CMTM4: variants seen among roughly 807,000 people sequenced by gnomAD.
The protein encoded by CMTM4 is CKLF like MARVEL transmembrane domain containing 4.
Under a neutral mutation model 19.0 loss-of-function variants are expected in CMTM4, and 8 were observed. The observed-to-expected ratio is 0.42, with a 90% CI of 0.25 to 0.76. The LOEUF (loss-of-function observed/expected upper bound fraction) is 0.76. CMTM4 is among the 30% of genes least tolerant of loss of function. The probability of loss-of-function intolerance (pLI) is 0.27; values close to 1 mark genes in which losing one functional copy is unlikely to be tolerated. For missense variants in CMTM4, 228 were observed against 290.2 expected (o/e 0.79, Z 1.56); for synonymous variants, 106 against 121.1 (o/e 0.88, Z 0.82).
Position 66,620,992 on chromosome 16 carries a change from C to G in CMTM4, c.*1066G>C, listed in dbSNP as rs2015622238. 1 of 985,856 alleles carries G rather than the reference C, an allele frequency of 1.0e-6. No homozygotes were observed. Among genetic ancestry groups the G allele is most frequent in the Non-Finnish European group, 1.2e-6 (1 of 829,934 alleles). The allele number at this position is 985,856 out of a possible 1,614,324, so 61.1% of individuals were successfully genotyped here. A position where few individuals can be genotyped will look rare whatever the true frequency, so the allele number is the denominator to read the frequency against. ...TCTACAGTTATGACACTGAGGCGCC[C>G]AAAGCGACAATTAGTGCCTTCTGAA... On this transcript the variant is annotated 3_prime_UTR_variant, in exon 4 of 4. Transcript: ENST00000394106.
At chr16:66,608,459 A>G in the CMTM4 span, 6 of 1,613,888 alleles carry the variant, frequency 3.7e-6, no homozygotes, top group Non-Finnish European at 5.1e-6. The surrounding 1 kb of genome is among the most constrained non-coding windows in gnomAD (Gnocchi z 5.1). Flanking sequence ...GTGCTGGCCC[A>G]TGATGGTGAG....
At chr16:66,630,910 G>A (rs1362786615) in intron 2 of CMTM4, among the ~76,000 whole-genome samples, 12 of 149,900 alleles carry the variant, frequency 8.0e-5, no homozygotes, top group South Asian at 2.1e-4. Context: ...CTGCCCCGCC[G>A]CCCCGTCTGG....
intron 1 of CMTM4, among the ~76,000 whole-genome samples, chr16:66,692,256 A>AT (rs1276554885): frequency 6.6e-6 from 1 of 152,032 alleles, no homozygotes; most frequent in African/African-American, 2.4e-5. Context: ...TGCCTGGCTA[A>AT]TTTTTTGTAT....
the CMTM4 span, among the ~76,000 whole-genome samples, chr16:66,600,136 G>GTGTGTGTGGTTT: frequency 1.5e-5 from 2 of 135,154 alleles, no homozygotes; most frequent in African/African-American, 5.8e-5. Flanking sequence ...GTGTGTGTGT[G>GTGTGTGTGGTTT]TTTTTTTTTG....
rs199881405 is a variant in CMTM4, at chr16:66,617,260, C to T, written c.*4798G>A. The T allele has an allele frequency of 2.7e-5, 43 of 1,612,044 alleles. No individual in the cohort carries two copies. The Admixed American group carries it at 6.7e-4, about 25-fold the overall frequency. On this transcript the variant is annotated 3_prime_UTR_variant, in exon 4 of 4. Transcript: ENST00000394106. ...TGAAATAGATACACAGTTCAAGGAC[C>T]CATCATCTGAACTTTTCTAGGCAAG...
downstream of CMTM4, chr16:66,609,965 G>A: frequency 6.2e-7 from 1 of 1,614,150 alleles, no homozygotes; most frequent in South Asian, 1.1e-5. This position sits in a 1 kb window ranked among gnomAD's most constrained non-coding sequence, Gnocchi z 4.4. Flanking sequence ...CTCAAACAAG[G>A]GGACTCTGCA....
chr16:66,609,598 T>C, the CMTM4 span: 3 of 1,525,348 alleles, frequency 2.0e-6, no homozygotes, highest in African/African-American at 4.1e-5. This position sits in a 1 kb window ranked among gnomAD's most constrained non-coding sequence, Gnocchi z 4.4. Context: ...GGGTGGGACC[T>C]GGGGCAGAGC....
chr16:66,616,192 T>C lies in CMTM4; in HGVS notation c.*5866A>G, dbSNP rs2144768886. 1 of 152,280 alleles carries C rather than the reference T, an allele frequency of 6.6e-6. No homozygotes were observed. The highest frequency in any genetic ancestry group is 1.9e-4 in the East Asian group (1 of 5,184). The allele number at this position is 152,280 out of a possible 1,614,324, so 9.4% of individuals were successfully genotyped here. ...ACTAAATGTACATCTTTTTTTCCAA[T>C]TCCATGATTGACAAGAGTGCTTATG... On this transcript the variant is annotated 3_prime_UTR_variant, in exon 4 of 4. Transcript: ENST00000394106.
chr16:66,638,471 C>T (rs1356104010), intron 1 of CMTM4, among the ~76,000 whole-genome samples: 1 of 152,190 alleles, frequency 6.6e-6, no homozygotes, highest in African/African-American at 2.4e-5. Context: ...TCAAAGGATA[C>T]AAAATTTCAG....
rs1191071180 is a variant in CMTM4 at position 66,617,302 on chromosome 16, C to T, written c.*4756G>A. 2 of 1,613,984 alleles carry T rather than the reference C, an allele frequency of 1.2e-6. No individual in the cohort carries two copies. The highest frequency in any genetic ancestry group is 1.7e-6 in the Non-Finnish European group (2 of 1,180,020). On this transcript the variant is annotated 3_prime_UTR_variant, in exon 4 of 4. Coordinates refer to ENST00000394106, the MANE Select transcript of CMTM4 (RefSeq NM_181521.3). ...CTAGGCAAGTTGCCAGTGATTCAAA[C>T]TCAGCAGGTTTGTGGGTGATTTTTT... is the stretch of plus-strand genomic sequence containing the variant.
In CMTM4 at chr16:66,695,698, T is replaced by C. The variant is rs1351765261; in HGVS notation, c.186+642A>G. ...TCCCAGATTTAACTCTGGGTACCAATTGGGCAGTGCCAGCCACCGTGCTGG... is the reference window on the plus strand; with the variant it reads ...TCCCAGATTTAACTCTGGGTACCAACTGGGCAGTGCCAGCCACCGTGCTGG... On this transcript the variant is annotated intron_variant, in intron 1 of 3. Transcript: ENST00000394106. Among the ~76,000 whole-genome samples the C allele has an allele frequency of 2.6e-5, 4 of 152,168 alleles. No individual in the cohort carries two copies. In the South Asian group the frequency reaches 6.2e-4, roughly 24 times the overall value.
At chr16:66,628,750 A>G (rs1596908371) in intron 2 of CMTM4, among the ~76,000 whole-genome samples, 1 of 152,308 alleles carries the variant, frequency 6.6e-6, no homozygotes, top group South Asian at 2.1e-4. Context: ...TCCACTTAGT[A>G]TAATGGTTCT....
At chr16:66,650,644 T>C (rs2016292885) in intron 1 of CMTM4, among the ~76,000 whole-genome samples, 1 of 152,192 alleles carries the variant, frequency 6.6e-6, no homozygotes, top group Non-Finnish European at 1.5e-5. Flanking sequence ...AGCCTCACAG[T>C]AAAACCTGTT....
intron 1 of CMTM4, among the ~76,000 whole-genome samples, chr16:66,685,974 G>A (rs1228052491): frequency 6.6e-6 from 1 of 152,156 alleles, no homozygotes; most frequent in Admixed American, 6.5e-5. Context: ...AAGTTCTGGA[G>A]CCGGGCATGG....
chr16:66,613,067 G>A (rs552097729), downstream of CMTM4: 127 of 702,986 alleles, frequency 1.8e-4, 2 homozygotes, highest in South Asian at 1.1e-3. Flanking sequence ...GCCAGGCCCC[G>A]GTGGGTTTGT....
intron 1 of CMTM4, among the ~76,000 whole-genome samples, chr16:66,688,482 G>C (rs758140375): frequency 5.0e-4 from 76 of 151,718 alleles, no homozygotes; most frequent in Non-Finnish European, 9.1e-4. Context: ...TCTCATGGCC[G>C]ATAAGAGATA....
chr16:66,648,962 ACT>A (rs564325262), intron 1 of CMTM4, among the ~76,000 whole-genome samples: 108 of 152,220 alleles, frequency 7.1e-4, no homozygotes, highest in Non-Finnish European at 1.2e-3. Context: ...ACAGAGCGAG[ACT>A]CTGTCAAAAA....
In CMTM4 at chr16:66,619,372, C is replaced by A. The variant is rs552646853; in HGVS notation, c.*2686G>T. On this transcript the variant is annotated 3_prime_UTR_variant, in exon 4 of 4. Coordinates refer to ENST00000394106, the MANE Select transcript of CMTM4 (RefSeq NM_181521.3). ...GTGTCCAGGAAAAAACCCAAATGCA[C>A]ACAGCAACTGCAGTTTCTTCAAGTT... 10 of 985,294 alleles carry A rather than the reference C, an allele frequency of 1.0e-5. No individual in the cohort carries two copies. In the South Asian group the frequency reaches 3.3e-4, roughly 32 times the overall value. The allele number at this position is 985,294 out of a possible 1,614,324, so 61.0% of individuals were successfully genotyped here. A position where few individuals can be genotyped will look rare whatever the true frequency, so the allele number is the denominator to read the frequency against.
intron 1 of CMTM4, among the ~76,000 whole-genome samples, chr16:66,683,133 A>G (rs529774539): frequency 0.018 from 2,347 of 129,390 alleles, 90 homozygotes; most frequent in African/African-American, 0.063. Flanking sequence ...GTGTGTGTAT[A>G]TATATATATA....
Sources: allele counts gnomAD v4.1 joint callset (sites outside exome capture counted in the v4.1 genomes callset), GRCh38; gene constraint gnomAD v4.1.1; non-coding constraint Gnocchi (gnomAD v3.1); transcripts MANE v1.5; gene names NCBI Gene and HGNC (gene_info 2026-07-23, HGNC 2026-07-21).